Variants in ADCK1 observed in about 807,000 individuals in gnomAD.
ADCK1 encodes aarF domain containing kinase 1.
ADCK1 carries 41 observed loss-of-function variants against 52.3 expected under a neutral mutation model. That is an observed-to-expected ratio of 0.78 (90% CI 0.61 to 1.02). ADCK1 has a LOEUF of 1.02. Ranked by LOEUF, ADCK1 falls within the 50% of genes least tolerant of loss-of-function variation. ADCK1 has a pLI of 0.00. For synonymous variants in ADCK1, 250 were observed against 274.6 expected (o/e 0.91, Z 0.89); for missense variants, 658 against 679.5 (o/e 0.97, Z 0.35).
intron 1 of ADCK1, among the ~76,000 whole-genome samples, chr14:77,803,172 A>G (rs886926843): frequency 5.9e-5 from 9 of 152,054 alleles, no homozygotes; most frequent in South Asian, 2.1e-4. Context: ...CACTCTCTCC[A>G]AGGGTATTTT....
intron 3 of ADCK1, among the ~76,000 whole-genome samples, chr14:77,838,983 A>G (rs764109420): frequency 1.5e-4 from 23 of 152,174 alleles, no homozygotes; most frequent in Non-Finnish European, 3.1e-4. Context: ...ACTTGTTTGT[A>G]TTGCTTGCTG....
chr14:77,902,986 C>A (rs1171864068), intron 6 of ADCK1, among the ~76,000 whole-genome samples: 1 of 152,200 alleles, frequency 6.6e-6, no homozygotes, highest in Non-Finnish European at 1.5e-5. Context: ...GGCAGGGGTG[C>A]CCCTCAGAGC....
At chr14:77,809,804 G>A (rs371503399) in intron 1 of ADCK1, among the ~76,000 whole-genome samples, 2 of 151,748 alleles carry the variant, frequency 1.3e-5, no homozygotes, top group Non-Finnish European at 2.9e-5. Context: ...GGAGGCCAAG[G>A]TGGGAGTATC....
chr14:77,855,740 G>C (rs950937153), intron 3 of ADCK1, among the ~76,000 whole-genome samples: 1 of 152,198 alleles, frequency 6.6e-6, no homozygotes, highest in Middle Eastern at 3.2e-3. Flanking sequence ...AATTAGGAAA[G>C]AGATGCTGGA....
intron 4 of ADCK1, among the ~76,000 whole-genome samples, chr14:77,878,930 C>A (rs531319522): frequency 6.6e-6 from 1 of 150,626 alleles, no homozygotes; most frequent in Non-Finnish European, 1.5e-5. Flanking sequence ...CCCTTCCCCC[C>A]CCACGAATGA....
intron 1 of ADCK1, among the ~76,000 whole-genome samples, chr14:77,811,879 G>A (rs143481634): frequency 6.6e-6 from 1 of 152,212 alleles, no homozygotes; most frequent in East Asian, 1.9e-4. Flanking sequence ...TAAAATATTG[G>A]CATAATAAAA....
At chr14:77,859,898 C>T (rs962609593) in intron 4 of ADCK1, among the ~76,000 whole-genome samples, 7 of 152,314 alleles carry the variant, frequency 4.6e-5, no homozygotes, top group South Asian at 2.1e-4. Context: ...TGTTTCCCTA[C>T]GCTCTGGTCC....
chr14:77,921,019 G>C (rs2140285655), intron 7 of ADCK1, among the ~76,000 whole-genome samples: 1 of 150,152 alleles, frequency 6.7e-6, no homozygotes, highest in East Asian at 2.1e-4. Flanking sequence ...TAGTGGGTAT[G>C]TATTTTTTCT....
chr14:77,854,901 C>G (rs1346492568), intron 3 of ADCK1, among the ~76,000 whole-genome samples: 2 of 152,156 alleles, frequency 1.3e-5, no homozygotes, highest in Non-Finnish European at 2.9e-5. Context: ...AGAGCCCTAC[C>G]TCACAACCAC....
At chr14:77,880,296 G>C (rs1396398940) in intron 4 of ADCK1, among the ~76,000 whole-genome samples, 2 of 152,258 alleles carry the variant, frequency 1.3e-5, no homozygotes, top group South Asian at 2.1e-4. Context: ...CATTGTGCCA[G>C]CCTCAGTGCA....
chr14:77,867,385 T>C (rs2082683976), intron 4 of ADCK1, among the ~76,000 whole-genome samples: 1 of 151,994 alleles, frequency 6.6e-6, no homozygotes, highest in Admixed American at 6.6e-5. Flanking sequence ...TGGGATCGCC[T>C]CCTCCCAGCT....
At chr14:77,847,430 C>T (rs111735263) in intron 3 of ADCK1, among the ~76,000 whole-genome samples, 10,893 of 152,144 alleles carry the variant, frequency 0.072, 915 homozygotes, top group African/African-American at 0.21. Flanking sequence ...ATTAGCTGGA[C>T]GTGGTGGCAG....
intron 3 of ADCK1, among the ~76,000 whole-genome samples, chr14:77,841,912 C>T (rs2082076898): frequency 6.7e-6 from 1 of 149,582 alleles, no homozygotes; most frequent in African/African-American, 2.5e-5. Flanking sequence ...GTAATCCCAG[C>T]ACTTTAGGAG....
intron 5 of ADCK1, among the ~76,000 whole-genome samples, chr14:77,898,449 C>G (rs147716750): frequency 0.036 from 5,500 of 152,262 alleles, 144 homozygotes; most frequent in South Asian, 0.065. Context: ...CCATGGAATA[C>G]TATGCAACCA....
chr14:77,828,926 A>C (rs1044708039), intron 3 of ADCK1, among the ~76,000 whole-genome samples: 2 of 151,466 alleles, frequency 1.3e-5, no homozygotes, highest in Non-Finnish European at 3.0e-5. Context: ...CTTTATATCC[A>C]AAACAATCAT....
At chr14:77,845,271 A>G (rs1455491420) in intron 3 of ADCK1, among the ~76,000 whole-genome samples, 1 of 152,230 alleles carries the variant, frequency 6.6e-6, no homozygotes, top group East Asian at 1.9e-4. Context: ...AAGCCATTTA[A>G]CCTTTCTGAG....
chr14:77,899,147 G>A lies in ADCK1; in HGVS notation c.630G>A (p.Met210Ile). ...VKQLFPEFEF[M>I]WLVDEAKKNL... is the part of the protein sequence containing the mutation. ...AGCTGTTCCCAGAGTTTGAGTTTAT[G>A]TGGCTTGTGGATGAAGCCAAGAAGA... The change falls in exon 6 of 11, where the codon ATG becomes ATA. Residue 210 changes from methionine to isoleucine, a missense_variant. Met to Ile is a conservative substitution (Grantham distance 10, BLOSUM62 1). Transcript: ENST00000238561. 1 of 1,614,188 alleles carries A rather than the reference G, an allele frequency of 6.2e-7. No homozygotes were observed. Among genetic ancestry groups the A allele is most frequent in the Non-Finnish European group, 8.5e-7 (1 of 1,180,024 alleles).
chr14:77,826,624 TC>T (rs1315931393), intron 3 of ADCK1, among the ~76,000 whole-genome samples: 1 of 152,152 alleles, frequency 6.6e-6, no homozygotes, highest in African/African-American at 2.4e-5. Context: ...CATACAGAAG[TC>T]ATTGCTGGTG....
At position 77,931,586 on chromosome 14, in the gene ADCK1, G is replaced by A. The variant is rs111650050; in HGVS notation, c.1275G>A (p.Pro425=). The A allele has an allele frequency of 6.4e-5, 103 of 1,613,926 alleles. No homozygotes were observed. The South Asian group carries it at 6.9e-4, about 11-fold the overall frequency. The part of the protein sequence containing the change: ...PQISHLLNHV[P]RQMLLILKTN... The stretch of plus-strand genomic sequence containing the variant: ...TCAGCCATCTCCTCAACCACGTGCC[G>A]CGCCAGATGCTGCTCATCTTGAAGA... Residue 425 remains proline, a synonymous_variant, in exon 10 of 11, where the codon CCG becomes CCA. Transcript: ENST00000238561.
Sources: allele counts gnomAD v4.1 joint callset (sites outside exome capture counted in the v4.1 genomes callset), GRCh38; gene constraint gnomAD v4.1.1; transcripts MANE v1.5; gene names NCBI Gene and HGNC (gene_info 2026-07-23, HGNC 2026-07-21).